The following FAM83F variants were observed in gnomAD, a reference collection of about 807,000 sequenced individuals.
The protein encoded by FAM83F is protein FAM83F.
Under a neutral mutation model 42.9 loss-of-function variants are expected in FAM83F, and 45 were observed. The ratio of observed to expected loss-of-function variants is 1.05; its 90% confidence interval spans 0.83 to 1.35. FAM83F has a LOEUF of 1.35. Ranked by LOEUF, FAM83F falls within the 40% of genes most tolerant of loss-of-function variation. The pLI, the probability that FAM83F is intolerant of heterozygous loss-of-function variation, is 0.00. For synonymous variants in FAM83F, 306 were observed against 298.3 expected (o/e 1.03, Z -0.27); for missense variants, 617 against 695.9 (o/e 0.89, Z 1.28).
Position 40,016,990 on chromosome 22 carries a change from G to T in FAM83F, c.490-2178G>T, listed in dbSNP as rs190848025. ...CTGTTACATTTTAAATGCCTCTCTG[G>T]GCCTGGTAATTTAAAAGGTCTCTGA... On this transcript the variant is annotated intron_variant, in intron 1 of 4. Coordinates refer to ENST00000333407, the MANE Select transcript of FAM83F (RefSeq NM_138435.4). Among the ~76,000 whole-genome samples, 793 of 152,108 alleles carry T rather than the reference G, an allele frequency of 5.2e-3. 9 individuals carry two copies. The highest frequency in any genetic ancestry group is 0.018 in the African/African-American group (755 of 41,478).
In FAM83F at chr22:39,995,393, T is replaced by G. The variant is rs1407949765; in HGVS notation, c.351T>G (p.Pro117=). 1.3e-6 allele frequency: 2 copies of G among 1,547,998 alleles called. No homozygotes were observed. The highest frequency in any genetic ancestry group is 2.7e-5 in the African/African-American group (2 of 72,974). Residue 117 remains proline, a synonymous_variant, in exon 1 of 5, where the codon CCT becomes CCG. Coordinates refer to ENST00000333407, the MANE Select transcript of FAM83F (RefSeq NM_138435.4). The surrounding 1 kb of genome is among the most constrained non-coding windows in gnomAD (Gnocchi z 4.6). ...YWPDRSDTEV[P]PLDLGWTDTG... ...CCGACCGTTCCGACACCGAGGTGCC[T>G]CCTCTGGACCTGGGCTGGACGGACA...
intron 1 of FAM83F, among the ~76,000 whole-genome samples, chr22:40,015,019 C>T (rs995476257): frequency 1.3e-5 from 2 of 152,164 alleles, no homozygotes; most frequent in Non-Finnish European, 2.9e-5. Flanking sequence ...TGTTAATTCC[C>T]ATCCTCAGTG....
intron 1 of FAM83F, among the ~76,000 whole-genome samples, chr22:40,003,487 G>A (rs532550582): frequency 1.3e-5 from 2 of 152,178 alleles, no homozygotes; most frequent in East Asian, 3.9e-4. Flanking sequence ...AGGTGGGGAG[G>A]AGGGCAGAGA....
chr22:40,007,303 G>T, intron 1 of FAM83F, among the ~76,000 whole-genome samples: 1 of 4,946 alleles, frequency 2.0e-4, no homozygotes, highest in African/African-American at 7.2e-4. Context: ...TCCTCCTCTT[G>T]TCCTCTCCTC....
chr22:40,022,889 C>T (rs1404948871), intron 4 of FAM83F, among the ~76,000 whole-genome samples: 1 of 152,208 alleles, frequency 6.6e-6, no homozygotes, highest in Non-Finnish European at 1.5e-5. Flanking sequence ...TTCCTGCACA[C>T]CAGCTTTAAC....
At chr22:40,002,344 C>T (rs571572478) in intron 1 of FAM83F, among the ~76,000 whole-genome samples, 5 of 152,254 alleles carry the variant, frequency 3.3e-5, no homozygotes, top group African/African-American at 9.6e-5. Context: ...GTAATCATTG[C>T]CTTGGGCTGT....
chr22:40,017,860 T>G (rs2067500148), intron 1 of FAM83F, among the ~76,000 whole-genome samples: 1 of 152,188 alleles, frequency 6.6e-6, no homozygotes. Context: ...CAGAGTCTCA[T>G]TAAGGTTAAG....
intron 1 of FAM83F, among the ~76,000 whole-genome samples, chr22:40,006,791 A>T (rs138930984): frequency 2.0e-4 from 30 of 152,212 alleles, no homozygotes; most frequent in Non-Finnish European, 3.4e-4. Flanking sequence ...GGAAACGGGG[A>T]AACAGGGCAC....
At chr22:40,004,364 C>G (rs2067417372) in intron 1 of FAM83F, among the ~76,000 whole-genome samples, 1 of 150,298 alleles carries the variant, frequency 6.7e-6, no homozygotes. Flanking sequence ...TGCAGTGACT[C>G]TTATCTCGGC....
intron 4 of FAM83F, among the ~76,000 whole-genome samples, chr22:40,026,826 C>T (rs1410935384): frequency 6.6e-6 from 1 of 152,096 alleles, no homozygotes; most frequent in East Asian, 1.9e-4. Flanking sequence ...GCTGCTGGGC[C>T]GCTGGATTGG....
rs759005402 is a variant in FAM83F, at chr22:40,034,302, C to T, written c.*4737C>T. On this transcript the variant is annotated 3_prime_UTR_variant, in exon 5 of 5. Transcript: ENST00000333407. ...ATCGTCTGCACTGCTGTTCCAGGGG[C>T]AGGAGGTTTGCTGCAAATCAGGTAC... is the stretch of plus-strand genomic sequence containing the variant. 4 of 152,298 alleles carry T rather than the reference C, an allele frequency of 2.6e-5. No individual in the cohort carries two copies. Among genetic ancestry groups the T allele is most frequent in the Non-Finnish European group, 5.9e-5 (4 of 68,104 alleles). The allele number at this position is 152,298 out of a possible 1,614,324, so 9.4% of individuals were successfully genotyped here. A position where few individuals can be genotyped will look rare whatever the true frequency, so the allele number is the denominator to read the frequency against.
chr22:40,042,827 C>T lies in FAM83F; in HGVS notation c.*13262C>T, dbSNP rs1257021336. On this transcript the variant is annotated 3_prime_UTR_variant, in exon 5 of 5. Coordinates refer to ENST00000333407, the MANE Select transcript of FAM83F (RefSeq NM_138435.4). ...AATTACCCAGAAAGTCAAGCACCAA[C>T]TTAAGTGCTAAAATAGGGGTCCAAG... The T allele has an allele frequency of 6.6e-6, 1 of 152,176 alleles. No homozygotes were observed. The highest frequency in any genetic ancestry group is 1.5e-5 in the Non-Finnish European group (1 of 68,032). The allele number at this position is 152,176 out of a possible 1,614,324, so 9.4% of individuals were successfully genotyped here.
Position 39,995,293 on chromosome 22 carries a change from G to A in FAM83F, c.251G>A (p.Arg84Gln), listed in dbSNP as rs1366494171. ...GACGCCGTCCCCGCCGCCAACGCCC[G>A]GGGCAAGAGCAAGGCCAAGGCCAAG... ...YEDAVPAANARGKSKAKAKAP... is the reference protein window; with the variant it reads ...YEDAVPAANAQGKSKAKAKAP... The change falls in exon 1 of 5, where the codon CGG becomes CAG. Residue 84 changes from arginine (R) to glutamine (Q), a missense_variant. Physicochemically the swap from Arg to Gln is conservative, Grantham distance 43 (BLOSUM62 1). Coordinates refer to ENST00000333407, the MANE Select transcript of FAM83F (RefSeq NM_138435.4). The surrounding 1 kb of genome is among the most constrained non-coding windows in gnomAD (Gnocchi z 4.6). The A allele has an allele frequency of 2.6e-6, 4 of 1,536,628 alleles. No individual in the cohort carries two copies. The highest frequency in any genetic ancestry group is 1.2e-5 in the South Asian group (1 of 83,940).
Position 40,021,968 on chromosome 22 carries a change from G to A in FAM83F, c.1453+5G>A. On this transcript the variant is annotated splice_donor_5th_base_variant and intron_variant, in intron 4 of 4. Coordinates refer to ENST00000333407, the MANE Select transcript of FAM83F (RefSeq NM_138435.4). The surrounding 1 kb of genome is among the most constrained non-coding windows in gnomAD (Gnocchi z 8.7). ...ATTCCAGTGCTGACATCTCAGGTGA[G>A]CCCTCTTCCCTCTGGCCTGGTGCCT... 2 of 1,539,696 alleles carry A rather than the reference G, an allele frequency of 1.3e-6. No homozygotes were observed. Among genetic ancestry groups the A allele is most frequent in the Non-Finnish European group, 1.7e-6 (2 of 1,143,740 alleles).
intron 1 of FAM83F, chr22:39,998,695 T>C (rs1455295441): frequency 1.3e-5 from 2 of 152,178 alleles, no homozygotes; most frequent in African/African-American, 4.8e-5. Context: ...GGCGGGGTTT[T>C]TTTCTGCTGT....
At chr22:40,017,831 C>T (rs976292744) in intron 1 of FAM83F, among the ~76,000 whole-genome samples, 25 of 152,280 alleles carry the variant, frequency 1.6e-4, no homozygotes, top group African/African-American at 5.5e-4. Context: ...AAGGTATCCT[C>T]ACTTTGCAGA....
chr22:40,016,735 C>T (rs2067493959), intron 1 of FAM83F, among the ~76,000 whole-genome samples: 1 of 152,034 alleles, frequency 6.6e-6, no homozygotes, highest in African/African-American at 2.4e-5. Flanking sequence ...ACAATCTTGG[C>T]TCACTGCAAC....
intron 4 of FAM83F, among the ~76,000 whole-genome samples, chr22:40,024,455 G>A (rs1442212927): frequency 1.3e-5 from 2 of 152,230 alleles, no homozygotes; most frequent in African/African-American, 2.4e-5. Flanking sequence ...GGCACCCACC[G>A]TGGGAATCAG....
chr22:40,011,911 C>T (rs554419773), intron 1 of FAM83F, among the ~76,000 whole-genome samples: 24 of 152,262 alleles, frequency 1.6e-4, no homozygotes, highest in Non-Finnish European at 2.8e-4. Flanking sequence ...TGGCTTGTAG[C>T]GGTGCACTTG....
Sources: gnomAD v4.1 joint callset for allele counts (sites outside exome capture counted in the v4.1 genomes callset) on GRCh38, gnomAD v4.1.1 for gene constraint, Gnocchi (gnomAD v3.1) non-coding constraint, MANE v1.5 for transcripts, NCBI Gene and HGNC (gene_info 2026-07-23, HGNC 2026-07-21) for gene names.